BANK1: variants seen among roughly 807,000 people sequenced by gnomAD.
BANK1 encodes the protein B-cell scaffold protein with ankyrin repeats.
In BANK1, 95 loss-of-function variants were observed where a neutral mutation model predicts 94.5. The ratio of observed to expected loss-of-function variants is 1.00; its 90% CI spans 0.85 to 1.19. The LOEUF is 1.19. BANK1 is among the 50% of genes most tolerant of loss of function. BANK1 has a pLI of 0.00. For missense variants in BANK1, 987 were observed against 932.2 expected, an observed-to-expected ratio of 1.06 and a Z score of -0.77; for synonymous variants, 334 against 308.4, an observed-to-expected ratio of 1.08 and a Z score of -0.87.
intron 6 of BANK1, among the ~76,000 whole-genome samples, chr4:101,905,304 G>A (rs547174453): frequency 1.3e-5 from 2 of 152,320 alleles, no homozygotes; most frequent in Admixed American, 6.5e-5. Context: ...AAGGCTCACA[G>A]CTTTTGTGCA....
chr4:101,858,157 T>A (rs4698974), intron 3 of BANK1, among the ~76,000 whole-genome samples: 82,516 of 151,982 alleles, frequency 0.54, 23,502 homozygotes, highest in African/African-American at 0.72. Flanking sequence ...ACCGGCAAAC[T>A]CCCTCAAAGA....
intron 6 of BANK1, 110 bp downstream of exon 6, chr4:101,895,520 T>A: frequency 1.6e-6 from 1 of 626,410 alleles, no homozygotes. Flanking sequence ...GCTGATGAGA[T>A]GATTTAGACA....
In BANK1 at chr4:101,880,621, G is replaced by A. The variant is rs548816524; in HGVS notation, c.903+9977G>A. ...CCACGAAAGACTCAGAATAGCCAAA[G>A]CAACTCTAAGCAAAAGAAATTGGAT... On this transcript the variant is annotated intron_variant, in intron 5 of 16. Coordinates refer to ENST00000322953, the MANE Select transcript of BANK1 (RefSeq NM_017935.5). Among the ~76,000 whole-genome samples the A allele has an allele frequency of 2.6e-5, 4 of 152,018 alleles. No individual in the cohort carries two copies. In the East Asian group the frequency reaches 7.7e-4, roughly 29 times the overall value.
At chr4:101,848,425 T>C (rs1160329085) in intron 2 of BANK1, among the ~76,000 whole-genome samples, 1 of 152,238 alleles carries the variant, frequency 6.6e-6, no homozygotes, top group Admixed American at 6.5e-5. Context: ...TTTTAATTTT[T>C]TTTCTTTTAG....
chr4:101,821,663 T>TG (rs1726154455), intron 1 of BANK1, among the ~76,000 whole-genome samples: 1 of 152,182 alleles, frequency 6.6e-6, no homozygotes, highest in Non-Finnish European at 1.5e-5. Flanking sequence ...TTTGTTTGTT[T>TG]GTTTGTTTGC....
chr4:101,944,817 A>G (rs1723877012), intron 7 of BANK1, among the ~76,000 whole-genome samples: 1 of 152,000 alleles, frequency 6.6e-6, no homozygotes. Context: ...ACCCTATGGT[A>G]AAGTGAGATC....
chr4:101,970,965 G>A (rs1384552844), intron 7 of BANK1, among the ~76,000 whole-genome samples: 3 of 151,554 alleles, frequency 2.0e-5, no homozygotes, highest in Non-Finnish European at 4.4e-5. Context: ...TTGTGTCATA[G>A]CGTGCAGGCG....
chr4:101,819,022 A>G (rs1169785790), intron 1 of BANK1, among the ~76,000 whole-genome samples: 1 of 152,038 alleles, frequency 6.6e-6, no homozygotes, highest in East Asian at 1.9e-4. Flanking sequence ...CATTTCTGGC[A>G]TAAAAAATAC....
At position 101,890,597 on chromosome 4, in the gene BANK1, TTTTA is replaced by T. The variant is rs1308745113; in HGVS notation, c.904-4701_904-4698del. ...AATTTTATTTATTATAAAAACCTGA[TTTTA>T]TTTATTATAAAAAATAAATAAATTT... is the stretch of plus-strand genomic sequence containing the variant. On this transcript the variant is annotated intron_variant, in intron 5 of 16. Coordinates refer to ENST00000322953, the MANE Select transcript of BANK1 (RefSeq NM_017935.5). 8.8e-5 allele frequency among the ~76,000 whole-genome samples: 13 copies of T among 147,968 alleles called. 1 individual carries two copies. In the South Asian group the frequency reaches 1.7e-3, roughly 19 times the overall value.
At chr4:101,947,863 T>C (rs1723990444) in intron 7 of BANK1, among the ~76,000 whole-genome samples, 1 of 152,026 alleles carries the variant, frequency 6.6e-6, no homozygotes, top group Admixed American at 6.6e-5. Flanking sequence ...TTTGAAAAAT[T>C]CATTTCTCCC....
intron 7 of BANK1, among the ~76,000 whole-genome samples, chr4:101,947,218 A>T (rs1723958327): frequency 6.7e-6 from 1 of 149,500 alleles, no homozygotes. Context: ...CTCTAAAGAG[A>T]ACCCTATAAA....
intron 5 of BANK1, among the ~76,000 whole-genome samples, chr4:101,888,056 C>G (rs529518201): frequency 2.0e-5 from 3 of 152,112 alleles, no homozygotes; most frequent in South Asian, 2.1e-4. Flanking sequence ...TGTTTTGGCT[C>G]TCTTTCATGG....
At chr4:101,929,458 C>G (rs1291554743) in intron 7 of BANK1, among the ~76,000 whole-genome samples, 2 of 151,530 alleles carry the variant, frequency 1.3e-5, no homozygotes, top group East Asian at 1.9e-4. Flanking sequence ...TATTTTAATA[C>G]TTAAGTCATT....
intron 7 of BANK1, among the ~76,000 whole-genome samples, chr4:102,006,171 T>C (rs1314262934): frequency 1.3e-5 from 2 of 152,036 alleles, no homozygotes; most frequent in South Asian, 2.1e-4. Context: ...AAGAAACAGA[T>C]GAAAACTAGT....
chr4:102,029,841 T>C, intron 9 of BANK1, 119 bp from the exon 10 acceptor site: 4 of 865,630 alleles, frequency 4.6e-6, no homozygotes, highest in Non-Finnish European at 7.3e-6. Context: ...TCTTCTCTAA[T>C]ACTGTTTCCT....
At chr4:102,022,237 G>C (rs777582691) in intron 8 of BANK1, among the ~76,000 whole-genome samples, 1 of 152,088 alleles carries the variant, frequency 6.6e-6, no homozygotes, top group Admixed American at 6.5e-5. Flanking sequence ...TTGAAAGTTC[G>C]GATTCCTGCC....
At chr4:101,815,936 TG>T (rs1285729086) in intron 1 of BANK1, among the ~76,000 whole-genome samples, 2 of 152,328 alleles carry the variant, frequency 1.3e-5, no homozygotes, top group Admixed American at 6.5e-5. Context: ...ATAATGTCTC[TG>T]TTCCATGTAT....
intron 4 of BANK1, among the ~76,000 whole-genome samples, chr4:101,866,538 T>G (rs1166639726): frequency 6.6e-6 from 1 of 152,110 alleles, no homozygotes; most frequent in Non-Finnish European, 1.5e-5. Context: ...CCTATTCATA[T>G]TACATTCGAA....
At chr4:102,049,486 TC>T in intron 11 of BANK1, among the ~76,000 whole-genome samples, 1 of 152,250 alleles carries the variant, frequency 6.6e-6, no homozygotes, top group Admixed American at 6.5e-5. Context: ...ACAAGCTGCC[TC>T]CCTGTAATCA....
Sources: gnomAD v4.1 joint callset for allele counts (sites outside exome capture counted in the v4.1 genomes callset) on GRCh38, gnomAD v4.1.1 for gene constraint, MANE v1.5 for transcripts, NCBI Gene and HGNC (gene_info 2026-07-23, HGNC 2026-07-21) for gene names.